Variants in ESRRG observed in about 807,000 individuals in gnomAD.
ESRRG encodes estrogen related receptor gamma.
In ESRRG, 13 loss-of-function variants were observed where a neutral mutation model predicts 44.0. The observed-to-expected ratio is 0.30, with a 90% confidence interval of 0.19 to 0.47. The LOEUF is 0.47. Among genes scored for constraint, ESRRG ranks in the 20% least tolerant of loss-of-function variants. The probability of loss-of-function intolerance (pLI) is 1.00; values close to 1 mark genes in which losing one functional copy is unlikely to be tolerated. For synonymous variants in ESRRG, 215 were observed against 214.6 expected (o/e 1.00, Z -0.02); for missense variants, 395 against 580.6 (o/e 0.68, Z 3.29).
intron 2 of ESRRG, among the ~76,000 whole-genome samples, chr1:216,865,718 A>AT (rs2096144448): frequency 6.6e-6 from 1 of 152,336 alleles, no homozygotes; most frequent in South Asian, 2.1e-4. Context: ...CCCTTGACTA[A>AT]TAATGTTAAG....
chr1:216,870,174 C>A (rs2096240470), intron 2 of ESRRG, among the ~76,000 whole-genome samples: 1 of 151,278 alleles, frequency 6.6e-6, no homozygotes, highest in South Asian at 2.1e-4. Context: ...GCCTACTTTG[C>A]AGAGAATTTT....
chr1:216,635,486 C>T (rs2150782045), intron 3 of ESRRG, among the ~76,000 whole-genome samples: 2 of 152,204 alleles, frequency 1.3e-5, no homozygotes, highest in Non-Finnish European at 2.9e-5. Context: ...TCCTGAAATG[C>T]TAGAACTGAA....
intron 2 of ESRRG, among the ~76,000 whole-genome samples, chr1:216,669,939 G>C (rs1013865607): frequency 2.0e-5 from 3 of 152,118 alleles, no homozygotes; most frequent in Admixed American, 6.6e-5. Flanking sequence ...CATTTCTTTG[G>C]AAAATATTAC....
intron 2 of ESRRG, among the ~76,000 whole-genome samples, chr1:216,816,087 C>T (rs890592618): frequency 6.6e-6 from 1 of 152,174 alleles, no homozygotes; most frequent in Non-Finnish European, 1.5e-5. Flanking sequence ...TTGACTTGCA[C>T]AGATGCTAAA....
chr1:216,771,379 T>C (rs183274708), intron 2 of ESRRG, among the ~76,000 whole-genome samples: 6 of 152,172 alleles, frequency 3.9e-5, no homozygotes, highest in Non-Finnish European at 5.9e-5. Flanking sequence ...TAATGCCTTA[T>C]AATCTTTGCC....
intron 2 of ESRRG, among the ~76,000 whole-genome samples, chr1:216,906,132 T>C (rs570284109): frequency 1.3e-5 from 2 of 152,356 alleles, no homozygotes; most frequent in Admixed American, 6.5e-5. Flanking sequence ...TAACAAAACA[T>C]ACTTTCTTAA....
intron 5 of ESRRG, among the ~76,000 whole-genome samples, chr1:216,538,992 T>A (rs1303980084): frequency 1.3e-5 from 2 of 152,072 alleles, no homozygotes; most frequent in African/African-American, 4.8e-5. Context: ...CTAGCAAGCA[T>A]AGGACTTAAA....
At chr1:216,717,281 CAT>C (rs1255067224) in intron 1 of ESRRG, among the ~76,000 whole-genome samples, 4 of 151,784 alleles carry the variant, frequency 2.6e-5, no homozygotes, top group African/African-American at 4.8e-5. Flanking sequence ...GGACAAGAAA[CAT>C]GTGTCACTTC....
chr1:216,867,692 C>T (rs1235235280), intron 2 of ESRRG, among the ~76,000 whole-genome samples: 1 of 152,154 alleles, frequency 6.6e-6, no homozygotes, highest in African/African-American at 2.4e-5. Context: ...TCTCCCCGAC[C>T]TCTTCTCCAC....
rs970280342 is a variant in ESRRG at position 216,564,264 on chromosome 1, C to T, written c.817G>A (p.Asp273Asn). Reference protein sequence around the residue: ...KALTTLCDLADRELVVIIGWA... With the variant: ...KALTTLCDLANRELVVIIGWA... ...CCAATGATAACCACCAACTCTCGGT[C>T]GGCCAAGTCACACAGTGTAGTGAGG... The change falls in exon 5 of 7, where the codon GAC becomes AAC. Residue 273 changes from aspartate (D) to asparagine (N), a missense_variant. This residue lies in a region of ESRRG where 167 missense variants were observed against 251.8 expected (regional missense o/e 0.66). Transcript: ENST00000408911. 1.9e-6 allele frequency: 3 copies of T among 1,588,674 alleles called. No individual in the cohort carries two copies. Among genetic ancestry groups the T allele is most frequent in the African/African-American group, 2.7e-5 (2 of 73,438 alleles).
intron 1 of ESRRG, among the ~76,000 whole-genome samples, chr1:216,967,374 C>T (rs2118149): frequency 0.51 from 78,006 of 151,858 alleles, 21,829 homozygotes; most frequent in Middle Eastern, 0.7. Context: ...AAAAATCCTC[C>T]GCAGCTCACC....
intron 5 of ESRRG, among the ~76,000 whole-genome samples, chr1:216,527,634 G>A (rs2048066698): frequency 1.3e-5 from 2 of 152,000 alleles, no homozygotes; most frequent in African/African-American, 4.8e-5. Flanking sequence ...ATTTCCCTAA[G>A]CACCGCCATC....
chr1:216,557,961 T>C (rs1370082940), intron 5 of ESRRG, among the ~76,000 whole-genome samples: 1 of 152,132 alleles, frequency 6.6e-6, no homozygotes, highest in Non-Finnish European at 1.5e-5. Context: ...ATGGCAAATA[T>C]ATTTTGGGGA....
intron 1 of ESRRG, among the ~76,000 whole-genome samples, chr1:217,057,352 A>G (rs1051619357): frequency 6.6e-6 from 1 of 152,214 alleles, no homozygotes; most frequent in Non-Finnish European, 1.5e-5. Flanking sequence ...AAAATGAACA[A>G]TGGAATAGTA....
intron 2 of ESRRG, among the ~76,000 whole-genome samples, chr1:216,764,178 C>CTT (rs5780920): frequency 6.7e-5 from 10 of 150,210 alleles, no homozygotes; most frequent in East Asian, 2.0e-4. Flanking sequence ...CTAATTGATT[C>CTT]TTTTTTTTTC....
intron 1 of ESRRG, among the ~76,000 whole-genome samples, chr1:217,029,101 G>A (rs574100618): frequency 1.1e-4 from 17 of 151,792 alleles, no homozygotes; most frequent in Non-Finnish European, 2.2e-4. Flanking sequence ...CTTACCTTTG[G>A]CATCTTATAA....
At chr1:216,843,200 A>T (rs2148893432) in intron 2 of ESRRG, among the ~76,000 whole-genome samples, 1 of 151,636 alleles carries the variant, frequency 6.6e-6, no homozygotes, top group Admixed American at 6.6e-5. Flanking sequence ...AAGGGGGCTA[A>T]GAATCAAATT....
intron 1 of ESRRG, among the ~76,000 whole-genome samples, chr1:217,031,314 C>A (rs1325144082): frequency 6.6e-6 from 1 of 152,140 alleles, no homozygotes; most frequent in Non-Finnish European, 1.5e-5. Flanking sequence ...AAAACATGCA[C>A]TGAGAGAGAA....
intron 1 of ESRRG, among the ~76,000 whole-genome samples, chr1:216,689,530 C>T (rs2078668996): frequency 6.6e-6 from 1 of 152,040 alleles, no homozygotes; most frequent in Non-Finnish European, 1.5e-5. Flanking sequence ...CGTGGCTGAA[C>T]TGGTAGTATC....
Sources: allele counts gnomAD v4.1 joint callset (sites outside exome capture counted in the v4.1 genomes callset), GRCh38; gene constraint gnomAD v4.1.1; regional missense constraint gnomAD v4.1.1; transcripts MANE v1.5; gene names NCBI Gene and HGNC (gene_info 2026-07-23, HGNC 2026-07-21).